The following NLRP4 variants were observed in gnomAD, a reference collection of about 807,000 sequenced individuals.
The protein encoded by NLRP4 is NLR family pyrin domain containing 4, also known as NACHT, LRR and PYD domains-containing protein 4.
NLRP4 carries 44 observed loss-of-function variants against 84.7 expected under a neutral mutation model. That is an observed-to-expected ratio of 0.52 (90% CI 0.41 to 0.67). The LOEUF (loss-of-function observed/expected upper bound fraction) is 0.67. Among genes scored for constraint, NLRP4 ranks in the 30% least tolerant of loss-of-function variants. The pLI is 0.00. For synonymous variants in NLRP4, 544 were observed against 476.4 expected, an observed-to-expected ratio of 1.14 and a Z score of -1.85; for missense variants, 1,260 against 1,219.4, an observed-to-expected ratio of 1.03 and a Z score of -0.50.
At chr19:55,871,601 T>C (rs1006078530) in intron 7 of NLRP4, among the ~76,000 whole-genome samples, 4 of 152,166 alleles carry the variant, frequency 2.6e-5, no homozygotes, top group Admixed American at 2.6e-4. Flanking sequence ...CCCTGAAAAA[T>C]ACAGAGGCTT....
Position 55,867,761 on chromosome 19 carries a change from C to G in NLRP4, c.2239C>G (p.Leu747Val). The change falls in exon 6 of 10, where the codon CTA becomes GTA. Residue 747 changes from leucine to valine, a missense_variant. Physicochemically the swap from Leu to Val is conservative, Grantham distance 32. This residue lies in a region of NLRP4 where 544 missense variants were observed against 531.7 expected (regional missense o/e 1.02). Coordinates refer to ENST00000301295, the MANE Select transcript of NLRP4 (RefSeq NM_134444.5). The part of the protein sequence containing the change: ...PIDCEVLAGL[L>V]TNNKKLTYLN... Reference sequence around the variant, plus strand: ...TGATTGTGAAGTCCTTGCTGGCCTTCTAACCAACAACAAGAAGCTGACGTA... The same window carrying G: ...TGATTGTGAAGTCCTTGCTGGCCTTGTAACCAACAACAAGAAGCTGACGTA... 2.5e-6 allele frequency: 4 copies of G among 1,614,128 alleles called. No individual in the cohort carries two copies. Among genetic ancestry groups the G allele is most frequent in the Non-Finnish European group, 3.4e-6 (4 of 1,179,958 alleles).
chr19:55,873,856 T>C (rs1216241383), intron 7 of NLRP4, among the ~76,000 whole-genome samples: 1 of 152,068 alleles, frequency 6.6e-6, no homozygotes. Flanking sequence ...GAAATCATAA[T>C]GGAAATTAGA....
In NLRP4 at chr19:55,850,062, GGAATTTCCGAGAC is replaced by G. The variant is rs1275480261; in HGVS notation, c.-65-1953_-65-1941del. ...GCGGTGTGATTTCCGTAGCTGCGGT[GGAATTTCCGAGAC>G]TGCGGTGTAATTTCCGTGGCTGCGG... On this transcript the variant is annotated intron_variant, in intron 1 of 9. Transcript: ENST00000301295. Among the ~76,000 whole-genome samples, 27 of 146,426 alleles carry G rather than the reference GGAATTTCCGAGAC, an allele frequency of 1.8e-4. 1 individual carries two copies. Among genetic ancestry groups the G allele is most frequent in the South Asian group, 6.7e-4 (3 of 4,482 alleles).
At position 55,877,080 on chromosome 19, in the gene NLRP4, A is replaced by G. The variant is rs530238430; in HGVS notation, c.2610A>G (p.Gln870=). The G allele has an allele frequency of 2.8e-4, 458 of 1,614,090 alleles. 2 individuals carry two copies. In the South Asian group the frequency reaches 4.8e-3, roughly 17 times the overall value. ...LISNQNLKIL[Q]IGCNEIGDVG... is the part of the protein sequence containing the mutation. The stretch of plus-strand genomic sequence containing the variant: ...GCAATCAAAACCTGAAGATTCTGCA[A>G]ATTGGGTGCAATGAAATCGGAGATG... The change falls in exon 8 of 10, where the codon CAA becomes CAG. Residue 870 remains glutamine, a synonymous_variant. Coordinates refer to ENST00000301295, the MANE Select transcript of NLRP4 (RefSeq NM_134444.5).
chr19:55,858,291 C>A lies in NLRP4; in HGVS notation c.898C>A (p.Arg300=). ...QVTISEIYQP[R]GFNESDRLVY... ...GACGATCTCAGAAATCTACCAGCCC[C>A]GGGGATTCAACGAGAGTGATAGGTT... is the stretch of plus-strand genomic sequence containing the variant. Residue 300 remains arginine (R), a synonymous_variant, in exon 3 of 10, where the codon CGG becomes AGG. Coordinates refer to ENST00000301295, the MANE Select transcript of NLRP4 (RefSeq NM_134444.5). This position sits in a 1 kb window ranked among gnomAD's most constrained non-coding sequence, Gnocchi z 4.2. 6.2e-7 allele frequency: 1 copy of A among 1,614,162 alleles called. No individual in the cohort carries two copies. Among genetic ancestry groups the A allele is most frequent in the South Asian group, 1.1e-5 (1 of 91,088 alleles).
intron 6 of NLRP4, 73 bp from the exon 7 acceptor site, chr19:55,870,754 T>C (rs1471533763): frequency 1.9e-6 from 2 of 1,059,188 alleles, no homozygotes; most frequent in East Asian, 4.8e-5. Flanking sequence ...TTACCCTGAA[T>C]GTGAAATTAA....
chr19:55,856,870 T>G (rs1984455612), intron 2 of NLRP4, among the ~76,000 whole-genome samples: 1 of 152,186 alleles, frequency 6.6e-6, no homozygotes, highest in African/African-American at 2.4e-5. Context: ...GAAAGAAAGC[T>G]CACTGGCATA....
rs368369095 is a variant in NLRP4, at chr19:55,851,118, C to T, written c.-65-898C>T. Among the ~76,000 whole-genome samples the T allele has an allele frequency of 3.4e-3, 369 of 108,246 alleles. 1 individual carries two copies. Among genetic ancestry groups the T allele is most frequent in the Non-Finnish European group, 4.6e-3 (267 of 57,502 alleles). The allele number at this position is 108,246 out of a possible 152,430, so 71.0% of individuals were successfully genotyped here. The stretch of plus-strand genomic sequence containing the variant: ...GGCTGCGGTGTAATGTCCGTGGCTG[C>T]GGTGTAATGTCCGAGGCTGCGGTGT... On this transcript the variant is annotated intron_variant, in intron 1 of 9. Coordinates refer to ENST00000301295, the MANE Select transcript of NLRP4 (RefSeq NM_134444.5).
chr19:55,872,274 CAA>C lies in NLRP4; in HGVS notation c.2525+1278_2525+1279del, dbSNP rs143020324. Among the ~76,000 whole-genome samples the C allele has an allele frequency of 8.2e-4, 125 of 152,156 alleles. 1 individual carries two copies. Among genetic ancestry groups the C allele is most frequent in the African/African-American group, 3.0e-3 (125 of 41,508 alleles). ...GTACTGAACAGATGCCTGAAAGAAACAAGAGCAAATTGTCTCAGGAGGTAGGT... is the reference window on the plus strand; with the variant it reads ...GTACTGAACAGATGCCTGAAAGAAACGAGCAAATTGTCTCAGGAGGTAGGT... On this transcript the variant is annotated intron_variant, in intron 7 of 9. Coordinates refer to ENST00000301295, the MANE Select transcript of NLRP4 (RefSeq NM_134444.5).
chr19:55,869,948 G>A (rs1385574824), intron 6 of NLRP4, among the ~76,000 whole-genome samples: 1 of 152,032 alleles, frequency 6.6e-6, no homozygotes, highest in Non-Finnish European at 1.5e-5. Flanking sequence ...AAATTAGCTT[G>A]GTGTGGTGGC....
chr19:55,843,591 C>T (rs912583377), intron 1 of NLRP4, among the ~76,000 whole-genome samples: 9 of 152,040 alleles, frequency 5.9e-5, no homozygotes, highest in African/African-American at 1.9e-4. Context: ...GCTCAGGAGG[C>T]TGAGGCAGGA....
chr19:55,840,354 G>C (rs1027867408), intron 1 of NLRP4, among the ~76,000 whole-genome samples: 1 of 149,212 alleles, frequency 6.7e-6, no homozygotes, highest in Non-Finnish European at 1.5e-5. Context: ...ATGTGTGTGT[G>C]TGTGTGTGTG....
At chr19:55,870,010 A>C (rs1213164913) in intron 6 of NLRP4, among the ~76,000 whole-genome samples, 2 of 151,902 alleles carry the variant, frequency 1.3e-5, no homozygotes, top group African/African-American at 4.8e-5. Context: ...AGGTGGGAGG[A>C]TCCCTTGAGC....
chr19:55,872,574 C>CT (rs970799486), intron 7 of NLRP4, among the ~76,000 whole-genome samples: 3 of 151,816 alleles, frequency 2.0e-5, no homozygotes, highest in African/African-American at 7.3e-5. Context: ...TAATAACTGA[C>CT]TATATGGGGT....
In NLRP4 at chr19:55,881,731, T is replaced by C. The variant is rs1985601213; in HGVS notation, c.*144T>C. 3.8e-6 allele frequency: 2 copies of C among 532,572 alleles called. No homozygotes were observed. Among genetic ancestry groups the C allele is most frequent in the East Asian group, 3.0e-5 (1 of 33,054 alleles). The allele number at this position is 532,572 out of a possible 1,614,324, so 33.0% of individuals were successfully genotyped here. A position where few individuals can be genotyped will look rare whatever the true frequency, so the allele number is the denominator to read the frequency against. ...TGGCACCCCATTCATAGATTTGATA[T>C]GATACACGTGGTTTTTATGTGCTCT... is the stretch of plus-strand genomic sequence containing the variant. On this transcript the variant is annotated 3_prime_UTR_variant, in exon 10 of 10. Coordinates refer to ENST00000301295, the MANE Select transcript of NLRP4 (RefSeq NM_134444.5).
intron 7 of NLRP4, among the ~76,000 whole-genome samples, chr19:55,873,483 G>A (rs1985264299): frequency 6.6e-6 from 1 of 152,088 alleles, no homozygotes; most frequent in Admixed American, 6.6e-5. Context: ...CAGATTAAAT[G>A]TTTCAGCTAA....
chr19:55,861,064 T>TG (rs1418524969), intron 3 of NLRP4, among the ~76,000 whole-genome samples: 4 of 152,254 alleles, frequency 2.6e-5, no homozygotes, highest in Middle Eastern at 3.4e-3. Flanking sequence ...CCTGTTACAG[T>TG]GGGGGGCTCT....
chr19:55,862,012 CT>C lies in NLRP4; in HGVS notation c.2040del (p.Gly681AlafsTer16). 6.2e-7 allele frequency: 1 copy of C among 1,613,620 alleles called. No individual in the cohort carries two copies. The highest frequency in any genetic ancestry group is 8.5e-7 in the Non-Finnish European group (1 of 1,179,714). The stretch of plus-strand genomic sequence containing the variant: ...TGCAGAATAAATAACGTTTCCTTTT[CT>C]GGCCAGAGTGTTCTGCTCTTTGAGG... ...QKLGINNVSF[S>X]GQSVLLFEVL... On this transcript the variant is annotated frameshift_variant, in exon 5 of 10. Transcript: ENST00000301295. LOFTEE classifies it high-confidence loss of function.
chr19:55,850,352 A>T (rs75089916), intron 1 of NLRP4, among the ~76,000 whole-genome samples: 10 of 36,468 alleles, frequency 2.7e-4, no homozygotes, highest in Non-Finnish European at 2.0e-4. Flanking sequence ...GTAATTTCCG[A>T]GGCTGCGGTG....
Sources: allele counts gnomAD v4.1 joint callset (sites outside exome capture counted in the v4.1 genomes callset), GRCh38; gene constraint gnomAD v4.1.1; regional missense constraint gnomAD v4.1.1; non-coding constraint Gnocchi (gnomAD v3.1); transcripts MANE v1.5; gene names NCBI Gene and HGNC (gene_info 2026-07-23, HGNC 2026-07-21).